Variants in FAM131B observed in about 807,000 individuals in gnomAD.
The protein encoded by FAM131B is protein FAM131B.
FAM131B carries 19 observed loss-of-function variants against 42.0 expected under a neutral mutation model. The ratio of observed to expected loss-of-function variants is 0.45; its 90% CI spans 0.32 to 0.66. FAM131B has a LOEUF of 0.66. FAM131B is among the 30% of genes least tolerant of loss of function. The pLI is 0.05. For synonymous variants in FAM131B, 183 were observed against 177.6 expected (o/e 1.03, Z -0.24); for missense variants, 370 against 468.4 (o/e 0.79, Z 1.94).
chr7:143,374,849 C>T, the FAM131B span, among the ~76,000 whole-genome samples: 1 of 152,236 alleles, frequency 6.6e-6, no homozygotes, highest in Admixed American at 6.5e-5. Flanking sequence ...GCTTGGGCTT[C>T]CCTCTCCTGA....
At position 143,355,118 on chromosome 7, in the gene FAM131B, C is replaced by G. The variant is rs184046073; in HGVS notation, c.*1432G>C. Reference sequence around the variant, plus strand: ...CTTAGGCCTCTCTCTCCTACCCGAACTCTGCCTGTGCCAAGGGCTGGGGAG... The same window carrying G: ...CTTAGGCCTCTCTCTCCTACCCGAAGTCTGCCTGTGCCAAGGGCTGGGGAG... On this transcript the variant is annotated 3_prime_UTR_variant, in exon 7 of 7. Transcript: ENST00000443739. This position sits in a 1 kb window ranked among gnomAD's most constrained non-coding sequence, Gnocchi z 4.1. The G allele has an allele frequency of 7.8e-4, 119 of 152,672 alleles. No individual in the cohort carries two copies. The Middle Eastern group carries it at 0.01, about 13-fold the overall frequency. The allele number at this position is 152,672 out of a possible 1,614,324, so 9.5% of individuals were successfully genotyped here.
the FAM131B span, among the ~76,000 whole-genome samples, chr7:143,369,286 T>C: frequency 1.3e-5 from 2 of 152,222 alleles, no homozygotes; most frequent in African/African-American, 4.8e-5. Context: ...TTCTATGACT[T>C]TTATTATAAC....
the FAM131B span, chr7:143,381,892 CA>C: frequency 1.9e-6 from 2 of 1,073,200 alleles, no homozygotes; most frequent in Non-Finnish European, 2.6e-6. Context: ...TGGGCGCAGC[CA>C]CCCTGTCCCG....
At chr7:143,361,565 C>G (rs1803981390) in intron 1 of FAM131B, 1 of 149,586 alleles carries the variant, frequency 6.7e-6, no homozygotes, top group African/African-American at 2.5e-5. Flanking sequence ...GAATTATTCT[C>G]TCAGCCTGAG....
chr7:143,357,778 T>C (rs529453212), intron 5 of FAM131B, among the ~76,000 whole-genome samples: 15 of 152,184 alleles, frequency 9.9e-5, no homozygotes, highest in Non-Finnish European at 1.9e-4. Flanking sequence ...ACATTTCAAG[T>C]TCTCAATAAC....
the FAM131B span, chr7:143,381,798 G>A: frequency 6.5e-7 from 1 of 1,529,292 alleles, no homozygotes; most frequent in Non-Finnish European, 8.8e-7. Context: ...CGGGGCTTGG[G>A]GAATGTACCC....
chr7:143,363,877 T>C (rs1299803187), upstream of FAM131B: 2 of 152,224 alleles, frequency 1.3e-5, no homozygotes, highest in East Asian at 3.9e-4. Flanking sequence ...CTAAGTCTTA[T>C]GGATGCAACT....
upstream of FAM131B, among the ~76,000 whole-genome samples, chr7:143,366,559 C>CTTT (rs34519209): frequency 0.046 from 6,367 of 138,294 alleles, 243 homozygotes; most frequent in Non-Finnish European, 0.076. Context: ...GGTCTGTATT[C>CTTT]TTTTTTTTTT....
upstream of FAM131B, among the ~76,000 whole-genome samples, chr7:143,366,284 CT>C (rs1804181149): frequency 6.6e-6 from 1 of 152,182 alleles, no homozygotes; most frequent in Admixed American, 6.5e-5. Flanking sequence ...AATGATCTTT[CT>C]TCAGAGTGAT....
At position 143,358,730 on chromosome 7, in the gene FAM131B, TATGG is replaced by T; in HGVS notation, c.466+93_466+96del. On this transcript the variant is annotated intron_variant, in intron 5 of 6. Coordinates refer to ENST00000443739, the MANE Select transcript of FAM131B (RefSeq NM_001031690.3). The surrounding 1 kb of genome is among the most constrained non-coding windows in gnomAD (Gnocchi z 4.7). Reference sequence around the variant, plus strand: ...GGGAAATGTGAATCTACGGTCAAAGTATGGATGGAGCTAATCCTGCCACAGGGGA... The same window carrying T: ...GGGAAATGTGAATCTACGGTCAAAGTATGGAGCTAATCCTGCCACAGGGGA... 1.1e-6 allele frequency: 1 copy of T among 896,832 alleles called. No individual in the cohort carries two copies. Among genetic ancestry groups the T allele is most frequent in the Non-Finnish European group, 1.8e-6 (1 of 562,618 alleles). The allele number at this position is 896,832 out of a possible 1,614,324, so 55.6% of individuals were successfully genotyped here. A position where few individuals can be genotyped will look rare whatever the true frequency, so the allele number is the denominator to read the frequency against.
chr7:143,354,533 A>G lies in FAM131B; in HGVS notation c.*2017T>C, dbSNP rs1302435165. On this transcript the variant is annotated 3_prime_UTR_variant, in exon 7 of 7. Coordinates refer to ENST00000443739, the MANE Select transcript of FAM131B (RefSeq NM_001031690.3). ...GGAAGGAAGGTCACATGAACATGCA[A>G]AACCCCAGAGCCTGCAGCAGGAGAC... 2 of 152,266 alleles carry G rather than the reference A, an allele frequency of 1.3e-5. No individual in the cohort carries two copies. Among genetic ancestry groups the G allele is most frequent in the African/African-American group, 2.4e-5 (1 of 41,434 alleles). The allele number at this position is 152,266 out of a possible 1,614,324, so 9.4% of individuals were successfully genotyped here. A position where few individuals can be genotyped will look rare whatever the true frequency, so the allele number is the denominator to read the frequency against.
At chr7:143,364,517 G>A (rs1331936710), upstream of FAM131B, among the ~76,000 whole-genome samples, 1 of 151,944 alleles carries the variant, frequency 6.6e-6, no homozygotes, top group Non-Finnish European at 1.5e-5. Flanking sequence ...GTTCCAACTT[G>A]GATGCAAACC....
chr7:143,361,260 G>T, intron 1 of FAM131B: 1 of 153,200 alleles, frequency 6.5e-6, no homozygotes, highest in Non-Finnish European at 1.5e-5. Flanking sequence ...GCTCCGCGGG[G>T]TGGTGACTGG....
chr7:143,362,727 C>G, upstream of FAM131B: 1 of 355,648 alleles, frequency 2.8e-6, no homozygotes, highest in Non-Finnish European at 4.5e-6. This position sits in a 1 kb window ranked among gnomAD's most constrained non-coding sequence, Gnocchi z 7.7. Flanking sequence ...CGGCTCCGCT[C>G]CCCCCTCCCC....
At chr7:143,360,523 G>T in intron 1 of FAM131B, 1 of 567,622 alleles carries the variant, frequency 1.8e-6, no homozygotes, top group Non-Finnish European at 2.3e-6. Context: ...TGCTCTATGA[G>T]GAACTTTTCT....
At chr7:143,365,727 A>G (rs1351231496), upstream of FAM131B, among the ~76,000 whole-genome samples, 1 of 152,106 alleles carries the variant, frequency 6.6e-6, no homozygotes, top group Non-Finnish European at 1.5e-5. Context: ...CTGCCTCCCA[A>G]GCAGATGGAA....
In FAM131B at chr7:143,359,276, G is replaced by A; in HGVS notation, c.268+50C>T. ...AGGAGCAGGGAGACTGAGCCAAGGAGTCTGTCAGCATTATTTTGTCTGAAG... is the reference window on the plus strand; with the variant it reads ...AGGAGCAGGGAGACTGAGCCAAGGAATCTGTCAGCATTATTTTGTCTGAAG... On this transcript the variant is annotated intron_variant, in intron 4 of 6. Coordinates refer to ENST00000443739, the MANE Select transcript of FAM131B (RefSeq NM_001031690.3). The surrounding 1 kb of genome is among the most constrained non-coding windows in gnomAD (Gnocchi z 5.4). 7.1e-7 allele frequency: 1 copy of A among 1,417,432 alleles called. No individual in the cohort carries two copies. Among genetic ancestry groups the A allele is most frequent in the Non-Finnish European group, 9.9e-7 (1 of 1,009,386 alleles). 87.8% of individuals were successfully genotyped at this position (1,417,432 alleles called of 1,614,324 possible).
chr7:143,376,548 G>C, the FAM131B span, among the ~76,000 whole-genome samples: 14 of 152,338 alleles, frequency 9.2e-5, no homozygotes, highest in East Asian at 2.7e-3. Flanking sequence ...TTGGGGGAGT[G>C]GCCCTTGGAC....
chr7:143,366,046 C>T (rs1047876572), upstream of FAM131B, among the ~76,000 whole-genome samples: 1 of 152,154 alleles, frequency 6.6e-6, no homozygotes, highest in Non-Finnish European at 1.5e-5. Flanking sequence ...GCCATCGCAC[C>T]TGGCCAAAAA....
Sources: gnomAD v4.1 joint callset for allele counts (sites outside exome capture counted in the v4.1 genomes callset) on GRCh38, gnomAD v4.1.1 for gene constraint, Gnocchi (gnomAD v3.1) non-coding constraint, MANE v1.5 for transcripts, NCBI Gene and HGNC (gene_info 2026-07-23, HGNC 2026-07-21) for gene names.